POSTN: variants seen among roughly 807,000 people sequenced by gnomAD.
POSTN encodes the protein periostin.
In POSTN, 71 loss-of-function variants were observed where a neutral mutation model predicts 104.5. That is an observed-to-expected ratio of 0.68 (90% CI 0.56 to 0.83). The LOEUF (loss-of-function observed/expected upper bound fraction) is 0.83. Among genes scored for constraint, POSTN ranks in the 40% least tolerant of loss-of-function variants. The pLI, the probability that POSTN is intolerant of heterozygous loss-of-function variation, is 0.00. For missense variants in POSTN, 949 were observed against 1,006.8 expected (o/e 0.94, Z 0.78); for synonymous variants, 355 against 340.7 (o/e 1.04, Z -0.46).
At chr13:37,574,441 C>T in intron 17 of POSTN, 131 bp downstream of exon 17, 1 of 1,233,040 alleles carries the variant, frequency 8.1e-7, no homozygotes, top group Non-Finnish European at 1.1e-6. Flanking sequence ...ATGAGCATGC[C>T]ATTGGTATAA....
chr13:37,567,874 G>A (rs1390999604), intron 21 of POSTN, among the ~76,000 whole-genome samples: 1 of 151,932 alleles, frequency 6.6e-6, no homozygotes, highest in African/African-American at 2.4e-5. Flanking sequence ...CTTATCAAAG[G>A]GGAAGAAAAT....
intron 15 of POSTN, 68 bp from the exon 16 acceptor site, chr13:37,577,866 C>T (rs1950460234): frequency 1.6e-5 from 26 of 1,592,374 alleles, no homozygotes; most frequent in African/African-American, 2.7e-5. Flanking sequence ...CATGGCACCA[C>T]TTTAATTCTT....
rs1950453266 is a variant in POSTN at position 37,577,775 on chromosome 13, T to C, written c.1986A>G (p.Lys662=). 6.2e-7 allele frequency: 1 copy of C among 1,613,634 alleles called. No individual in the cohort carries two copies. Among genetic ancestry groups the C allele is most frequent in the Non-Finnish European group, 8.5e-7 (1 of 1,179,786 alleles). Reference sequence around the variant, plus strand: ...TACTATAGACAGTCACGGGGATTTCTTTGAAGGTGCTACCACGAACAAACT... The same window carrying C: ...TACTATAGACAGTCACGGGGATTTCCTTGAAGGTGCTACCACGAACAAACT... ...QIKFVRGSTF[K]EIPVTVYTTK... Residue 662 remains lysine, a synonymous_variant, in exon 16 of 23, where the codon AAA becomes AAG. Transcript: ENST00000379747.
chr13:37,576,732 G>A (rs1455989188), intron 16 of POSTN, among the ~76,000 whole-genome samples: 2 of 152,068 alleles, frequency 1.3e-5, no homozygotes, highest in African/African-American at 4.8e-5. Flanking sequence ...TATTCCCATG[G>A]TGAATCATAA....
In POSTN at chr13:37,598,643, G is replaced by A. The variant is rs1424860970; in HGVS notation, c.84C>T (p.Ile28=). The A allele has an allele frequency of 1.2e-6, 2 of 1,613,444 alleles. No homozygotes were observed. The highest frequency in any genetic ancestry group is 1.7e-6 in the Non-Finnish European group (2 of 1,179,482). ...GACCCCTGATACGACTATGAGCCAA[G>A]ATCTTGTCATAATGATTGTTGGCGT... is the stretch of plus-strand genomic sequence containing the variant. ...PINANNHYDK[I]LAHSRIRGRD... The change falls in exon 1 of 23, where the codon ATC becomes ATT. Residue 28 remains isoleucine, a synonymous_variant. Transcript: ENST00000379747.
intron 11 of POSTN, 148 bp downstream of exon 11, chr13:37,580,413 T>A (rs1460643092): frequency 1.1e-6 from 1 of 907,510 alleles, no homozygotes; most frequent in African/African-American, 1.7e-5. Context: ...AAAACATATA[T>A]CAATTTTGAA....
At chr13:37,585,358 AC>A (rs11299710) in intron 7 of POSTN, among the ~76,000 whole-genome samples, 18,478 of 152,196 alleles carry the variant, frequency 0.12, 1,667 homozygotes, top group African/African-American at 0.24. Flanking sequence ...GATGAGAAAC[AC>A]AGCAAGATCC....
In POSTN at chr13:37,587,871, G is replaced by A. The variant is rs1277336574; in HGVS notation, c.557C>T (p.Pro186Leu). 2 of 1,605,332 alleles carry A rather than the reference G, an allele frequency of 1.2e-6. No homozygotes were observed. Among genetic ancestry groups the A allele is most frequent in the Non-Finnish European group, 8.5e-7 (1 of 1,173,136 alleles). Residue 186 changes from proline (P) to leucine (L), a missense_variant, in exon 5 of 23, where the codon CCT becomes CTT. Transcript: ENST00000379747. ...AAGCCCCAAATTGTTATACATTGAA[G>A]GAATAATCATGCCATTTTTTAAGTC... The part of the protein sequence containing the change: ...TKDLKNGMII[P>L]SMYNNLGLFI...
chr13:37,580,813 T>G lies in POSTN; in HGVS notation c.1393-116A>C, dbSNP rs1950562927. On this transcript the variant is annotated intron_variant, in intron 10 of 22. Coordinates refer to ENST00000379747, the MANE Select transcript of POSTN (RefSeq NM_006475.3). ...CCCTTCTGAGAGGTTGCCTGGTGTC[T>G]GAGGCCACGGGAACAGCTTCTTTCC... 1.4e-5 allele frequency: 17 copies of G among 1,248,256 alleles called. No individual in the cohort carries two copies. The South Asian group carries it at 2.4e-4, about 17-fold the overall frequency. The allele number at this position is 1,248,256 out of a possible 1,614,324, so 77.3% of individuals were successfully genotyped here.
intron 20 of POSTN, 87 bp downstream of exon 20, chr13:37,569,657 G>C: frequency 9.8e-7 from 1 of 1,018,886 alleles, no homozygotes; most frequent in Non-Finnish European, 1.5e-6. Flanking sequence ...GATTGAGATA[G>C]AGTAGAAAAC....
chr13:37,593,307 A>AT (rs1950997107), intron 2 of POSTN, among the ~76,000 whole-genome samples: 1 of 149,442 alleles, frequency 6.7e-6, no homozygotes. Context: ...TAATTATATT[A>AT]TTAATATTAT....
chr13:37,581,660 G>A (rs1266854458), intron 10 of POSTN, among the ~76,000 whole-genome samples: 2 of 152,038 alleles, frequency 1.3e-5, no homozygotes, highest in Non-Finnish European at 2.9e-5. Flanking sequence ...GGAGTTTAAG[G>A]TTACAGTGAG....
intron 16 of POSTN, among the ~76,000 whole-genome samples, chr13:37,576,221 C>CA (rs1205405220): frequency 6.6e-6 from 1 of 151,820 alleles, no homozygotes; most frequent in Non-Finnish European, 1.5e-5. Flanking sequence ...TAATATGCAG[C>CA]AAAAAATTAT....
At chr13:37,563,585 T>G (rs1224957174) in intron 22 of POSTN, among the ~76,000 whole-genome samples, 1 of 152,146 alleles carries the variant, frequency 6.6e-6, no homozygotes, top group Non-Finnish European at 1.5e-5. Context: ...TAATTTTAAC[T>G]CTTTAGAAAA....
chr13:37,566,421 A>G (rs985622732), intron 21 of POSTN, among the ~76,000 whole-genome samples: 19 of 152,202 alleles, frequency 1.2e-4, no homozygotes, highest in Non-Finnish European at 2.2e-4. Flanking sequence ...GACCATGTTA[A>G]TGTCAATTGA....
chr13:37,574,630 A>G lies in POSTN; in HGVS notation c.2031T>C (p.Val677=), dbSNP rs1950353600. The G allele has an allele frequency of 6.3e-7, 1 of 1,599,810 alleles. No homozygotes were observed. ...CAATCACTTTAATTTTTGGTTCCAC[A>G]ACTTTGGTTATAATTTTAGTTGCTG... ...TVYTTKIITK[V]VEPKIKVIEG... The change falls in exon 17 of 23, where the codon GTT becomes GTC. Residue 677 remains valine, a synonymous_variant. Transcript: ENST00000379747.
At chr13:37,597,364 A>C (rs1311352978) in intron 1 of POSTN, 82 bp from the exon 2 acceptor site, 7 of 832,994 alleles carry the variant, frequency 8.4e-6, no homozygotes, top group Admixed American at 3.2e-5. Flanking sequence ...TGATAGAAGA[A>C]AATGTTGAGA....
chr13:37,595,827 T>G (rs77070474), intron 2 of POSTN, among the ~76,000 whole-genome samples: 1 of 151,496 alleles, frequency 6.6e-6, no homozygotes, highest in Non-Finnish European at 1.5e-5. Flanking sequence ...TTTTTTTTTT[T>G]TGAGACAGAG....
chr13:37,582,524 A>T lies in POSTN; in HGVS notation c.1244-10T>A. On this transcript the variant is annotated splice_polypyrimidine_tract_variant and intron_variant, in intron 9 of 22. Transcript: ENST00000379747. ...ATGCTGAGAGTATCATCTGTAAATA[A>T]ATTCATTAAGAAAGAGCATTATTTT... The T allele has an allele frequency of 1.3e-6, 2 of 1,585,778 alleles. No homozygotes were observed. The highest frequency in any genetic ancestry group is 1.7e-6 in the Non-Finnish European group (2 of 1,169,224).
Sources: gnomAD v4.1 joint callset for allele counts (sites outside exome capture counted in the v4.1 genomes callset) on GRCh38, gnomAD v4.1.1 for gene constraint, MANE v1.5 for transcripts, NCBI Gene and HGNC (gene_info 2026-07-23, HGNC 2026-07-21) for gene names.